Variants in CCDC138 observed in about 807,000 individuals in gnomAD.
CCDC138 encodes coiled-coil domain-containing protein 138.
Under a neutral mutation model 82.3 loss-of-function variants are expected in CCDC138, and 66 were observed. The observed-to-expected ratio is 0.80, with a 90% CI of 0.66 to 0.98. CCDC138 has a LOEUF of 0.98. Among genes scored for constraint, CCDC138 ranks in the 50% least tolerant of loss-of-function variants. The pLI is 0.00. For missense variants in CCDC138, 816 were observed against 758.9 expected, an observed-to-expected ratio of 1.08 and a Z score of -0.88; for synonymous variants, 297 against 265.4, an observed-to-expected ratio of 1.12 and a Z score of -1.16.
chr2:108,881,121 G>C (rs1394959516), downstream of CCDC138, among the ~76,000 whole-genome samples: 3 of 152,188 alleles, frequency 2.0e-5, no homozygotes, highest in African/African-American at 4.8e-5. Flanking sequence ...TCCAATAGAA[G>C]GCTGTTTCAT....
At chr2:108,787,357 T>C (rs1679035000) in intron 1 of CCDC138, among the ~76,000 whole-genome samples, 1 of 152,206 alleles carries the variant, frequency 6.6e-6, no homozygotes, top group African/African-American at 2.4e-5. Flanking sequence ...TACCATTCGT[T>C]CTCTCCCCTT....
At chr2:108,833,869 A>G (rs562256225) in intron 10 of CCDC138, among the ~76,000 whole-genome samples, 1 of 146,444 alleles carries the variant, frequency 6.8e-6, no homozygotes, top group East Asian at 2.0e-4. Flanking sequence ...CTGGGACTAC[A>G]GGCGCCCGCT....
chr2:108,789,455 T>C (rs1326340545), intron 3 of CCDC138, among the ~76,000 whole-genome samples: 14 of 152,092 alleles, frequency 9.2e-5, no homozygotes, highest in Admixed American at 9.2e-4. Flanking sequence ...TTAGCCAGGC[T>C]TGGTGGTGTG....
intron 1 of CCDC138, 116 bp downstream of exon 1, chr2:108,787,031 TC>T: frequency 1.8e-6 from 1 of 556,474 alleles, no homozygotes; most frequent in Non-Finnish European, 2.7e-6. Flanking sequence ...GCCCCGGCAC[TC>T]CCGCCGTGGC....
At chr2:108,848,393 G>A (rs1690854567) in intron 12 of CCDC138, among the ~76,000 whole-genome samples, 4 of 152,126 alleles carry the variant, frequency 2.6e-5, no homozygotes, top group South Asian at 2.1e-4. Flanking sequence ...AGAGAAGACC[G>A]TTAATTTGTG....
At chr2:108,789,425 TC>T (rs1679530862) in intron 3 of CCDC138, among the ~76,000 whole-genome samples, 1 of 152,250 alleles carries the variant, frequency 6.6e-6, no homozygotes, top group South Asian at 2.1e-4. Context: ...AAATCCCGTT[TC>T]TACTAAAAAA....
downstream of CCDC138, among the ~76,000 whole-genome samples, chr2:108,877,866 C>G (rs978742999): frequency 4.6e-5 from 7 of 152,156 alleles, no homozygotes; most frequent in African/African-American, 1.7e-4. Context: ...AGGATAAAAG[C>G]ACAAACAAAA....
chr2:108,788,138 G>C (rs746122384), intron 2 of CCDC138, 49 bp downstream of exon 2: 1 of 1,576,926 alleles, frequency 6.3e-7, no homozygotes, highest in Non-Finnish European at 8.6e-7. Context: ...TTAATTTGAG[G>C]CTGGGCGCGG....
At chr2:108,871,024 TTGAAA>T (rs1311769488) in intron 13 of CCDC138, among the ~76,000 whole-genome samples, 36 of 152,210 alleles carry the variant, frequency 2.4e-4, no homozygotes, top group African/African-American at 7.9e-4. Context: ...ACTCAAAAAA[TTGAAA>T]TGAACCTCAT....
intron 4 of CCDC138, among the ~76,000 whole-genome samples, chr2:108,793,628 G>A (rs1053813026): frequency 1.3e-5 from 2 of 149,368 alleles, no homozygotes; most frequent in Non-Finnish European, 3.0e-5. Flanking sequence ...ATGGAGTCTC[G>A]CTCTGTCGCC....
chr2:108,826,766 A>C (rs1686679412), intron 10 of CCDC138, among the ~76,000 whole-genome samples: 1 of 152,182 alleles, frequency 6.6e-6, no homozygotes, highest in African/African-American at 2.4e-5. Flanking sequence ...GCAGCCTTTC[A>C]ATTTCTGCAA....
intron 11 of CCDC138, 70 bp downstream of exon 11, chr2:108,839,371 A>T: frequency 7.6e-7 from 1 of 1,309,110 alleles, no homozygotes; most frequent in Middle Eastern, 1.9e-4. Context: ...CTTGTTTCAC[A>T]ATATCTGTTT....
chr2:108,818,069 G>T (rs1430064664), intron 10 of CCDC138, among the ~76,000 whole-genome samples: 1 of 152,164 alleles, frequency 6.6e-6, no homozygotes, highest in East Asian at 1.9e-4. Context: ...ACTTCGGGAG[G>T]TTGAAGTGGG....
At chr2:108,859,636 C>G (rs1466464552) in intron 13 of CCDC138, among the ~76,000 whole-genome samples, 2 of 152,108 alleles carry the variant, frequency 1.3e-5, no homozygotes, top group South Asian at 4.1e-4. Flanking sequence ...ATTTCAGTTT[C>G]TCTATTCTGT....
At chr2:108,849,230 C>T (rs1298961224) in intron 12 of CCDC138, among the ~76,000 whole-genome samples, 6 of 152,028 alleles carry the variant, frequency 3.9e-5, no homozygotes, top group Admixed American at 3.3e-4. Flanking sequence ...AGTTTTGAGA[C>T]AAAATCATAT....
At chr2:108,825,437 A>G (rs921087289) in intron 10 of CCDC138, among the ~76,000 whole-genome samples, 7 of 152,132 alleles carry the variant, frequency 4.6e-5, no homozygotes, top group African/African-American at 1.2e-4. Context: ...TCTCCAAAAA[A>G]AAACCCAACC....
chr2:108,794,666 C>T lies in CCDC138; in HGVS notation c.521C>T (p.Pro174Leu). ...SKASDKRSLL[P>L]HQISQIYDEL... ...GCATCAGACAAGCGGAGTTTACTTC[C>T]ACATCAGATCAGTCAGATATATGAC... is the stretch of plus-strand genomic sequence containing the variant. Residue 174 changes from proline (P) to leucine (L), a missense_variant, in exon 5 of 15, where the codon CCA becomes CTA. Pro to Leu is a moderately conservative substitution (Grantham distance 98). Transcript: ENST00000295124. 2 of 1,614,052 alleles carry T rather than the reference C, an allele frequency of 1.2e-6. No homozygotes were observed. The highest frequency in any genetic ancestry group is 1.7e-6 in the Non-Finnish European group (2 of 1,179,988).
chr2:108,869,268 A>T (rs1419595387), intron 13 of CCDC138, among the ~76,000 whole-genome samples: 1 of 152,190 alleles, frequency 6.6e-6, no homozygotes, highest in African/African-American at 2.4e-5. Flanking sequence ...ATGCAAAATG[A>T]TAGGACATTC....
At chr2:108,873,355 A>G (rs995704793) in intron 13 of CCDC138, 96 bp from the exon 14 acceptor site, 101 of 1,104,574 alleles carry the variant, frequency 9.1e-5, no homozygotes, top group South Asian at 1.6e-4. Flanking sequence ...CTAAATGAAT[A>G]TTTATAAATG....
Sources: gnomAD v4.1 joint callset for allele counts (sites outside exome capture counted in the v4.1 genomes callset) on GRCh38, gnomAD v4.1.1 for gene constraint, MANE v1.5 for transcripts, NCBI Gene and HGNC (gene_info 2026-07-23, HGNC 2026-07-21) for gene names.